Variants in C12orf42 observed in about 807,000 individuals in gnomAD.
C12orf42 encodes chromosome 12 open reading frame 42.
C12orf42 carries 25 observed loss-of-function variants against 21.6 expected under a neutral mutation model. The observed-to-expected ratio is 1.16, with a 90% CI of 0.84 to 1.62. The LOEUF is 1.62. C12orf42 is among the 40% of genes most tolerant of loss of function. The pLI, the probability that C12orf42 is intolerant of heterozygous loss-of-function variation, is 0.00. For synonymous variants in C12orf42, 174 were observed against 175.0 expected, an observed-to-expected ratio of 0.99 and a Z score of 0.05; for missense variants, 483 against 459.3, an observed-to-expected ratio of 1.05 and a Z score of -0.47.
chr12:103,486,765 T>A (rs2138136648), intron 1 of C12orf42, among the ~76,000 whole-genome samples: 1 of 152,348 alleles, frequency 6.6e-6, no homozygotes, highest in East Asian at 1.9e-4. Context: ...TTTACAGTAT[T>A]ATCTGATAGT....
At chr12:103,234,376 A>G (rs1335153329), downstream of C12orf42, among the ~76,000 whole-genome samples, 1 of 152,128 alleles carries the variant, frequency 6.6e-6, no homozygotes, top group African/African-American at 2.4e-5. Context: ...GTTATTCTAA[A>G]GAGATTTGTC....
At chr12:103,166,188 C>T in the C12orf42 span, among the ~76,000 whole-genome samples, 2 of 152,058 alleles carry the variant, frequency 1.3e-5, no homozygotes, top group Non-Finnish European at 2.9e-5. Flanking sequence ...ACTCTGAGAC[C>T]TTGTGCAAGT....
the C12orf42 span, among the ~76,000 whole-genome samples, chr12:103,106,617 G>T: frequency 0.011 from 1,616 of 151,588 alleles, 12 homozygotes; most frequent in South Asian, 0.019. Flanking sequence ...TAAAATTATG[G>T]GTACCCAGTA....
Position 103,460,207 on chromosome 12 carries a change from G to A in C12orf42, c.78+18142C>T, listed in dbSNP as rs142276523. 3.1e-4 allele frequency among the ~76,000 whole-genome samples: 47 copies of A among 151,856 alleles called. No individual in the cohort carries two copies. In the South Asian group the frequency reaches 3.9e-3, roughly 13 times the overall value. On this transcript the variant is annotated intron_variant, in intron 2 of 5. Transcript: ENST00000548883. ...AGGCAACCTTTACACAATGATTCAC[G>A]GACCTTTGTTTGGTCAACCCCTAGA...
intron 2 of C12orf42, among the ~76,000 whole-genome samples, chr12:103,405,230 A>C (rs958796841): frequency 7.9e-5 from 12 of 152,362 alleles, no homozygotes; most frequent in Admixed American, 5.2e-4. Context: ...AAACAAAAGC[A>C]GTAAACATAA....
At chr12:103,191,275 T>C in the C12orf42 span, among the ~76,000 whole-genome samples, 1 of 150,256 alleles carries the variant, frequency 6.7e-6, no homozygotes, top group Non-Finnish European at 1.5e-5. Context: ...TTTTTCAAAT[T>C]GAAACAAAAT....
chr12:103,207,287 G>A, the C12orf42 span, among the ~76,000 whole-genome samples: 10 of 152,292 alleles, frequency 6.6e-5, no homozygotes, highest in South Asian at 2.1e-4. Context: ...TTACCAAGAC[G>A]TAACTCAGAC....
At chr12:103,517,365 C>T in the C12orf42 span, among the ~76,000 whole-genome samples, 4 of 152,278 alleles carry the variant, frequency 2.6e-5, no homozygotes, top group East Asian at 7.7e-4. Flanking sequence ...CTGCAGAAAC[C>T]GCACCATGAA....
At chr12:103,225,857 G>A in the C12orf42 span, among the ~76,000 whole-genome samples, 61 of 152,262 alleles carry the variant, frequency 4.0e-4, no homozygotes, top group African/African-American at 1.3e-3. Context: ...AAGGGGATGG[G>A]CTTACCTTCC....
At chr12:103,163,813 T>C in the C12orf42 span, among the ~76,000 whole-genome samples, 26 of 152,210 alleles carry the variant, frequency 1.7e-4, no homozygotes, top group African/African-American at 5.8e-4. Flanking sequence ...ATCTGTAAAA[T>C]TGGGATAGTT....
At chr12:103,308,156 G>T (rs2038562026) in intron 4 of C12orf42, among the ~76,000 whole-genome samples, 1 of 152,120 alleles carries the variant, frequency 6.6e-6, no homozygotes, top group African/African-American at 2.4e-5. Context: ...ATTAATAGTA[G>T]ATTAGATAAT....
chr12:103,354,503 G>A (rs2137536143), intron 4 of C12orf42, among the ~76,000 whole-genome samples: 1 of 152,230 alleles, frequency 6.6e-6, no homozygotes, highest in South Asian at 2.1e-4. Context: ...TCAGAAATCT[G>A]AAAGTTTGTG....
At chr12:103,495,273 G>A (rs1429021959) in intron 1 of C12orf42, among the ~76,000 whole-genome samples, 5 of 152,126 alleles carry the variant, frequency 3.3e-5, no homozygotes, top group Non-Finnish European at 7.3e-5. Context: ...GCGGGACAGG[G>A]AGAGTGTCTC....
At chr12:103,369,158 G>A (rs1231079425) in intron 3 of C12orf42, among the ~76,000 whole-genome samples, 160 bp from the exon 4 acceptor site, 1 of 151,918 alleles carries the variant, frequency 6.6e-6, no homozygotes, top group Non-Finnish European at 1.5e-5. Context: ...AACAATCACA[G>A]TTAACTCTAG....
At chr12:103,346,614 C>A (rs2042642569) in intron 4 of C12orf42, among the ~76,000 whole-genome samples, 1 of 152,124 alleles carries the variant, frequency 6.6e-6, no homozygotes, top group Admixed American at 6.5e-5. Flanking sequence ...AGTTGTTACT[C>A]CTCTCTGGAA....
the C12orf42 span, among the ~76,000 whole-genome samples, chr12:103,091,854 G>A: frequency 6.6e-6 from 1 of 152,044 alleles, no homozygotes; most frequent in African/African-American, 2.4e-5. Flanking sequence ...ACCAAATCTT[G>A]TCCTCACCAC....
At chr12:103,193,188 C>T in the C12orf42 span, among the ~76,000 whole-genome samples, 15 of 151,268 alleles carry the variant, frequency 9.9e-5, no homozygotes, top group Middle Eastern at 3.4e-3. Flanking sequence ...TATCTTCAGA[C>T]GAACAAAAAT....
chr12:103,557,019 A>G, the C12orf42 span, among the ~76,000 whole-genome samples: 1 of 151,914 alleles, frequency 6.6e-6, no homozygotes, highest in African/African-American at 2.4e-5. Flanking sequence ...CAACACCTTG[A>G]CTTCTGAATA....
At position 103,382,327 on chromosome 12, in the gene C12orf42, G is replaced by T. The variant is rs1469656415; in HGVS notation, c.148-13329C>A. ...GTAACAAAATGTCCACGTCAGCATT[G>T]TAGAACCATGTTAGATTATTAGGAC... On this transcript the variant is annotated intron_variant, in intron 3 of 5. Coordinates refer to ENST00000548883, the MANE Select transcript of C12orf42 (RefSeq NM_198521.5). Among the ~76,000 whole-genome samples the T allele has an allele frequency of 2.0e-5, 3 of 152,178 alleles. No individual in the cohort carries two copies. The East Asian group carries it at 5.8e-4, about 29-fold the overall frequency.
Sources: allele counts gnomAD v4.1 joint callset (sites outside exome capture counted in the v4.1 genomes callset), GRCh38; gene constraint gnomAD v4.1.1; transcripts MANE v1.5; gene names NCBI Gene and HGNC (gene_info 2026-07-23, HGNC 2026-07-21).